SLC24A2: variants seen among roughly 807,000 people sequenced by gnomAD.
SLC24A2 encodes solute carrier family 24 member 2.
In SLC24A2, 36 loss-of-function variants were observed where a neutral mutation model predicts 62.0. That is an observed-to-expected ratio of 0.58 (90% CI 0.44 to 0.77). SLC24A2 has a LOEUF of 0.77. Ranked by LOEUF, SLC24A2 falls within the 30% of genes least tolerant of loss-of-function variation. The probability of loss-of-function intolerance (pLI) is 0.00; values close to 1 mark genes in which losing one functional copy is unlikely to be tolerated. For missense variants in SLC24A2, 846 were observed against 817.9 expected (o/e 1.03, Z -0.42); for synonymous variants, 358 against 294.0 (o/e 1.22, Z -2.23).
At chr9:20,226,365 T>C in the SLC24A2 span, among the ~76,000 whole-genome samples, 1 of 152,130 alleles carries the variant, frequency 6.6e-6, no homozygotes, top group Non-Finnish European at 1.5e-5. Context: ...TCGGTAATGA[T>C]TTGTGGCCAT....
intron 4 of SLC24A2, among the ~76,000 whole-genome samples, chr9:19,613,265 T>G (rs1047547241): frequency 2.6e-5 from 4 of 152,244 alleles, no homozygotes; most frequent in Non-Finnish European, 5.9e-5. Context: ...GACTGTGGTA[T>G]TCCTTTCTCT....
At chr9:20,240,899 C>T in the SLC24A2 span, among the ~76,000 whole-genome samples, 1 of 152,142 alleles carries the variant, frequency 6.6e-6, no homozygotes, top group South Asian at 2.1e-4. Context: ...AGAGTCTCTG[C>T]CCCTGAAAGG....
At chr9:20,167,405 T>A in the SLC24A2 span, among the ~76,000 whole-genome samples, 1 of 151,980 alleles carries the variant, frequency 6.6e-6, no homozygotes, top group African/African-American at 2.4e-5. Flanking sequence ...CATACAGATA[T>A]GGAATCGGGG....
chr9:19,654,347 C>T (rs1818883705), intron 2 of SLC24A2, among the ~76,000 whole-genome samples: 1 of 152,168 alleles, frequency 6.6e-6, no homozygotes, highest in Non-Finnish European at 1.5e-5. Context: ...CCCTTCAGCA[C>T]CTGTGTGCTC....
At chr9:20,056,276 C>G in the SLC24A2 span, among the ~76,000 whole-genome samples, 10 of 152,102 alleles carry the variant, frequency 6.6e-5, no homozygotes, top group Non-Finnish European at 1.2e-4. Context: ...GTATAGAAGA[C>G]TATTATAAAT....
At chr9:20,051,336 T>C in the SLC24A2 span, among the ~76,000 whole-genome samples, 1 of 152,116 alleles carries the variant, frequency 6.6e-6, no homozygotes, top group African/African-American at 2.4e-5. Context: ...TAACATAAAA[T>C]CTTTAGAATA....
At chr9:20,149,577 A>G in the SLC24A2 span, among the ~76,000 whole-genome samples, 1 of 152,046 alleles carries the variant, frequency 6.6e-6, no homozygotes, top group African/African-American at 2.4e-5. Flanking sequence ...ACATCATGCA[A>G]TCAGTTACAG....
At chr9:20,250,075 G>C in the SLC24A2 span, among the ~76,000 whole-genome samples, 1 of 152,158 alleles carries the variant, frequency 6.6e-6, no homozygotes, top group Non-Finnish European at 1.5e-5. Context: ...CAATACATGA[G>C]AACAACAATA....
the SLC24A2 span, among the ~76,000 whole-genome samples, chr9:19,798,924 G>A: frequency 2.0e-5 from 3 of 151,822 alleles, no homozygotes; most frequent in African/African-American, 4.8e-5. Flanking sequence ...ATCTTCTTCG[G>A]GAATAATTAC....
At chr9:20,297,708 C>G in the SLC24A2 span, among the ~76,000 whole-genome samples, 208 of 152,316 alleles carry the variant, frequency 1.4e-3, 1 homozygote, top group African/African-American at 4.8e-3. Context: ...TCCGTGGGCG[C>G]TTCCTTGAGG....
the SLC24A2 span, among the ~76,000 whole-genome samples, chr9:20,268,682 A>G: frequency 1.3e-5 from 2 of 152,186 alleles, no homozygotes; most frequent in African/African-American, 2.4e-5. Flanking sequence ...AGTTTTAGGT[A>G]TTCTGTTATA....
At chr9:20,052,406 G>T in the SLC24A2 span, among the ~76,000 whole-genome samples, 1 of 152,178 alleles carries the variant, frequency 6.6e-6, no homozygotes, top group Non-Finnish European at 1.5e-5. Context: ...CCAGTGTATA[G>T]AATACAATGA....
At chr9:20,216,196 A>G in the SLC24A2 span, among the ~76,000 whole-genome samples, 3 of 152,206 alleles carry the variant, frequency 2.0e-5, no homozygotes, top group Admixed American at 6.5e-5. Flanking sequence ...CGTTTCCTAA[A>G]TAATGCACCA....
the SLC24A2 span, among the ~76,000 whole-genome samples, chr9:19,852,304 G>A: frequency 3.9e-5 from 6 of 152,164 alleles, no homozygotes; most frequent in Middle Eastern, 3.4e-3. Context: ...CTTTTGCTGC[G>A]TAGAAGCTCT....
the SLC24A2 span, among the ~76,000 whole-genome samples, chr9:20,169,688 T>C: frequency 6.8e-6 from 1 of 147,882 alleles, no homozygotes; most frequent in African/African-American, 2.6e-5. Flanking sequence ...ACAAGAGCCT[T>C]GAGCCCTAAA....
At chr9:19,984,589 C>T in the SLC24A2 span, among the ~76,000 whole-genome samples, 1 of 151,998 alleles carries the variant, frequency 6.6e-6, no homozygotes, top group Non-Finnish European at 1.5e-5. Flanking sequence ...GCCTGTAATC[C>T]CAGCTGCTCA....
intron 2 of SLC24A2, among the ~76,000 whole-genome samples, chr9:19,657,131 T>G (rs549764521): frequency 1.3e-5 from 2 of 152,334 alleles, no homozygotes; most frequent in East Asian, 1.9e-4. Context: ...AAACAACTAC[T>G]GAAGAAGAGT....
the SLC24A2 span, among the ~76,000 whole-genome samples, chr9:19,878,471 A>T: frequency 6.6e-6 from 1 of 152,236 alleles, no homozygotes; most frequent in Non-Finnish European, 1.5e-5. Flanking sequence ...AAGAAATAGC[A>T]TAATGATCAT....
At chr9:19,745,937 T>C (rs1821819165) in intron 2 of SLC24A2, among the ~76,000 whole-genome samples, 1 of 152,156 alleles carries the variant, frequency 6.6e-6, no homozygotes, top group Admixed American at 6.6e-5. Flanking sequence ...ATCATAGCCC[T>C]TTCTTTCTGT....
Sources: gnomAD v4.1 joint callset for allele counts (sites outside exome capture counted in the v4.1 genomes callset) on GRCh38, gnomAD v4.1.1 for gene constraint, MANE v1.5 for transcripts, NCBI Gene and HGNC (gene_info 2026-07-23, HGNC 2026-07-21) for gene names.